Variants in CNTNAP2 observed in about 807,000 individuals in gnomAD.
CNTNAP2 encodes contactin associated protein 2.
Under a neutral mutation model 155.2 loss-of-function variants are expected in CNTNAP2, and 98 were observed. That is an observed-to-expected ratio of 0.63 (90% CI 0.54 to 0.75). The LOEUF (loss-of-function observed/expected upper bound fraction) is 0.75. CNTNAP2 is among the 30% of genes least tolerant of loss of function. The pLI is 0.00. For synonymous variants in CNTNAP2, 651 were observed against 631.2 expected, an observed-to-expected ratio of 1.03 and a Z score of -0.47; for missense variants, 1,727 against 1,688.1, an observed-to-expected ratio of 1.02 and a Z score of -0.40.
chr7:146,264,836 C>G (rs1799969986), intron 1 of CNTNAP2, among the ~76,000 whole-genome samples: 1 of 152,136 alleles, frequency 6.6e-6, no homozygotes, highest in African/African-American at 2.4e-5. Flanking sequence ...GGATCGCAGC[C>G]TATGATGCTC....
At chr7:146,368,112 C>T (rs1240915486) in intron 1 of CNTNAP2, among the ~76,000 whole-genome samples, 1 of 152,138 alleles carries the variant, frequency 6.6e-6, no homozygotes, top group African/African-American at 2.4e-5. Context: ...CCTTTTCCCT[C>T]CTCAGCATAC....
chr7:147,070,721 T>G (rs1799873549), intron 4 of CNTNAP2, among the ~76,000 whole-genome samples: 1 of 152,224 alleles, frequency 6.6e-6, no homozygotes, highest in African/African-American at 2.4e-5. Flanking sequence ...CATGTTTTTA[T>G]GTCCTTCTTA....
intron 1 of CNTNAP2, among the ~76,000 whole-genome samples, chr7:146,756,839 C>T: frequency 6.6e-6 from 1 of 152,040 alleles, no homozygotes; most frequent in East Asian, 1.9e-4. Context: ...AAAATGAATA[C>T]AGACATATTT....
At chr7:148,362,440 T>G (rs1798643155) in intron 21 of CNTNAP2, among the ~76,000 whole-genome samples, 1 of 152,190 alleles carries the variant, frequency 6.6e-6, no homozygotes, top group South Asian at 2.1e-4. Flanking sequence ...GACATAGCTT[T>G]TTGGGGCACA....
chr7:147,898,229 C>G (rs112968779), intron 13 of CNTNAP2, among the ~76,000 whole-genome samples: 2,314 of 152,330 alleles, frequency 0.015, 33 homozygotes, highest in South Asian at 0.027. Flanking sequence ...TCATTACATT[C>G]ATCCTGGACT....
At chr7:146,388,754 G>A (rs950123630) in intron 1 of CNTNAP2, among the ~76,000 whole-genome samples, 2 of 151,966 alleles carry the variant, frequency 1.3e-5, no homozygotes, top group Admixed American at 1.3e-4. Context: ...CTCCTCACCA[G>A]CCCCCCACTA....
intron 21 of CNTNAP2, among the ~76,000 whole-genome samples, chr7:148,288,025 C>T (rs556784866): frequency 2.4e-4 from 36 of 151,406 alleles, no homozygotes; most frequent in African/African-American, 7.3e-4. Flanking sequence ...CTCTTGACTT[C>T]GTGATCGGCC....
intron 11 of CNTNAP2, among the ~76,000 whole-genome samples, chr7:147,556,338 T>C (rs969872496): frequency 4.6e-5 from 7 of 152,086 alleles, no homozygotes; most frequent in Admixed American, 1.3e-4. Flanking sequence ...AATCATATTA[T>C]TTTATATAGT....
chr7:147,388,115 C>T (rs1402355578), intron 9 of CNTNAP2, among the ~76,000 whole-genome samples: 1 of 152,072 alleles, frequency 6.6e-6, no homozygotes, highest in African/African-American at 2.4e-5. Context: ...TTTTTCTCCT[C>T]CCTTTTTTAT....
intron 13 of CNTNAP2, among the ~76,000 whole-genome samples, chr7:147,827,505 A>C (rs1366330666): frequency 6.6e-6 from 1 of 152,230 alleles, no homozygotes; most frequent in Non-Finnish European, 1.5e-5. Context: ...TGTGGGCCAC[A>C]AGATCTACTA....
intron 11 of CNTNAP2, among the ~76,000 whole-genome samples, chr7:147,531,840 T>C (rs1440266616): frequency 6.8e-6 from 1 of 147,090 alleles, no homozygotes; most frequent in Non-Finnish European, 1.5e-5. Flanking sequence ...AAAGTCTCAC[T>C]CTGTCACCCA....
At chr7:148,289,018 G>A (rs1473262276) in intron 21 of CNTNAP2, among the ~76,000 whole-genome samples, 2 of 149,830 alleles carry the variant, frequency 1.3e-5, no homozygotes. Context: ...CACAAGAGAA[G>A]TGCAACTCAG....
chr7:146,399,622 G>T (rs371332104), intron 1 of CNTNAP2, among the ~76,000 whole-genome samples: 21 of 152,120 alleles, frequency 1.4e-4, no homozygotes, highest in African/African-American at 5.1e-4. Context: ...TAAATATGCT[G>T]ATGAACATGG....
intron 1 of CNTNAP2, among the ~76,000 whole-genome samples, chr7:146,253,664 A>G (rs1159629302): frequency 1.3e-5 from 2 of 152,248 alleles, no homozygotes; most frequent in Non-Finnish European, 2.9e-5. Context: ...GGAGGCAGTC[A>G]TCTGAGATGA....
At chr7:146,355,143 A>C (rs1222277939) in intron 1 of CNTNAP2, among the ~76,000 whole-genome samples, 1 of 152,234 alleles carries the variant, frequency 6.6e-6, no homozygotes, top group Non-Finnish European at 1.5e-5. Flanking sequence ...ACATCAAATC[A>C]AATTATTCTT....
intron 21 of CNTNAP2, among the ~76,000 whole-genome samples, chr7:148,318,983 C>G (rs1020302183): frequency 6.6e-6 from 1 of 152,208 alleles, no homozygotes; most frequent in Non-Finnish European, 1.5e-5. Context: ...GAATTACAAC[C>G]TCTTCTCCTG....
chr7:147,602,047 G>GA (rs1298524095), intron 12 of CNTNAP2, among the ~76,000 whole-genome samples: 1 of 152,050 alleles, frequency 6.6e-6, no homozygotes, highest in Non-Finnish European at 1.5e-5. Flanking sequence ...AATTGTTGCA[G>GA]TATCCTTCCA....
chr7:146,984,937 G>A (rs1252298081), intron 3 of CNTNAP2, among the ~76,000 whole-genome samples: 1 of 152,172 alleles, frequency 6.6e-6, no homozygotes, highest in East Asian at 1.9e-4. Context: ...GCATTTGACA[G>A]TTTGAATTCA....
intron 20 of CNTNAP2, among the ~76,000 whole-genome samples, chr7:148,254,414 T>C (rs1796424945): frequency 6.6e-6 from 1 of 152,192 alleles, no homozygotes. Context: ...AAAGCCTCAA[T>C]CATATTTGTC....
Sources: allele counts gnomAD v4.1 joint callset (sites outside exome capture counted in the v4.1 genomes callset), GRCh38; gene constraint gnomAD v4.1.1; transcripts MANE v1.5; gene names NCBI Gene and HGNC (gene_info 2026-07-23, HGNC 2026-07-21).